PLXDC2: variants seen among roughly 807,000 people sequenced by gnomAD.
PLXDC2 encodes plexin domain containing 2, also known as plexin domain-containing protein 2.
PLXDC2 carries 40 observed loss-of-function variants against 68.9 expected under a neutral mutation model. The ratio of observed to expected loss-of-function variants is 0.58; its 90% confidence interval spans 0.45 to 0.76. PLXDC2 has a LOEUF of 0.76. PLXDC2 is among the 30% of genes least tolerant of loss of function. PLXDC2 has a pLI of 0.00. For synonymous variants in PLXDC2, 243 were observed against 234.2 expected (o/e 1.04, Z -0.34); for missense variants, 644 against 661.9 (o/e 0.97, Z 0.30).
chr10:19,891,876 G>T (rs1234196525), intron 1 of PLXDC2, among the ~76,000 whole-genome samples: 2 of 152,076 alleles, frequency 1.3e-5, no homozygotes, highest in African/African-American at 4.8e-5. Flanking sequence ...GAAAAAATTG[G>T]ATTTTTGTTT....
intron 1 of PLXDC2, among the ~76,000 whole-genome samples, chr10:19,860,458 C>T (rs1345385979): frequency 3.3e-5 from 5 of 152,132 alleles, no homozygotes; most frequent in Admixed American, 6.5e-5. Flanking sequence ...GAACACTGAA[C>T]TAGACATCAC....
Position 20,118,123 on chromosome 10 carries a change from CA to C in PLXDC2, c.542-25171del, listed in dbSNP as rs1176316126. Among the ~76,000 whole-genome samples, 22 of 151,938 alleles carry C rather than the reference CA, an allele frequency of 1.4e-4. No individual in the cohort carries two copies. In the South Asian group the frequency reaches 2.3e-3, roughly 16 times the overall value. On this transcript the variant is annotated intron_variant, in intron 4 of 13. Transcript: ENST00000377252. ...ATATGCCTACACACACACACACACA[CA>C]CACACACACACACAGACACACACAC...
chr10:19,900,734 G>T (rs1178015149), intron 1 of PLXDC2, among the ~76,000 whole-genome samples: 1 of 151,968 alleles, frequency 6.6e-6, no homozygotes, highest in Non-Finnish European at 1.5e-5. Context: ...TACCCAATGT[G>T]TAGGTTTTTA....
At chr10:20,026,265 T>A (rs1835401323) in intron 2 of PLXDC2, among the ~76,000 whole-genome samples, 1 of 152,138 alleles carries the variant, frequency 6.6e-6, no homozygotes, top group Non-Finnish European at 1.5e-5. Flanking sequence ...TTTCTTAAAA[T>A]GAAATTCTCC....
chr10:20,068,857 A>G (rs1445356765), intron 4 of PLXDC2, among the ~76,000 whole-genome samples: 1 of 152,120 alleles, frequency 6.6e-6, no homozygotes, highest in Non-Finnish European at 1.5e-5. Context: ...CTAGCAAAGT[A>G]ATTATCATTC....
chr10:20,238,696 C>CACATATATGTCTATATATAT (rs1554777593), intron 12 of PLXDC2, among the ~76,000 whole-genome samples: 1 of 113,260 alleles, frequency 8.8e-6, no homozygotes, highest in Non-Finnish European at 1.8e-5. Flanking sequence ...TATATATACA[C>CACATATATGTCTATATATAT]ACATATATAT....
At chr10:19,879,199 C>T (rs1274474280) in intron 1 of PLXDC2, among the ~76,000 whole-genome samples, 2 of 152,112 alleles carry the variant, frequency 1.3e-5, no homozygotes, top group African/African-American at 2.4e-5. Flanking sequence ...ACCCTGAAAA[C>T]GACAACTTCC....
intron 3 of PLXDC2, among the ~76,000 whole-genome samples, chr10:20,055,144 T>G (rs549358917): frequency 4.6e-4 from 70 of 152,256 alleles, no homozygotes; most frequent in Non-Finnish European, 9.3e-4. Flanking sequence ...TGATGAAACT[T>G]GTATGACTTT....
At chr10:19,905,573 T>C (rs1286634815) in intron 1 of PLXDC2, among the ~76,000 whole-genome samples, 1 of 152,002 alleles carries the variant, frequency 6.6e-6, no homozygotes, top group Non-Finnish European at 1.5e-5. Context: ...ACTGGTGATA[T>C]TTTGCAAACA....
At chr10:19,973,278 A>T (rs1303043772) in intron 1 of PLXDC2, among the ~76,000 whole-genome samples, 1 of 143,902 alleles carries the variant, frequency 6.9e-6, no homozygotes, top group East Asian at 2.0e-4. Context: ...AGATATATGT[A>T]TACACATACA....
At chr10:19,947,317 T>A (rs1833917987) in intron 1 of PLXDC2, among the ~76,000 whole-genome samples, 2 of 152,184 alleles carry the variant, frequency 1.3e-5, no homozygotes, top group African/African-American at 4.8e-5. Flanking sequence ...TAGTGGTAAC[T>A]TGTTATAGCA....
intron 1 of PLXDC2, among the ~76,000 whole-genome samples, chr10:19,877,022 A>T (rs1837644891): frequency 6.6e-6 from 1 of 152,230 alleles, no homozygotes; most frequent in Non-Finnish European, 1.5e-5. Context: ...TAAAATGAAA[A>T]TTCAATTAAA....
At chr10:19,968,288 C>T (rs895926078) in intron 1 of PLXDC2, among the ~76,000 whole-genome samples, 1 of 152,086 alleles carries the variant, frequency 6.6e-6, no homozygotes, top group African/African-American at 2.4e-5. Context: ...TGATTAAATA[C>T]GATGACCTCA....
intron 4 of PLXDC2, among the ~76,000 whole-genome samples, chr10:20,110,647 C>T (rs1184588880): frequency 6.6e-6 from 1 of 152,170 alleles, no homozygotes; most frequent in Non-Finnish European, 1.5e-5. Flanking sequence ...CGGTCACTGT[C>T]ACAGTCAGCC....
At chr10:20,044,217 CTTT>C (rs1835745048) in intron 2 of PLXDC2, among the ~76,000 whole-genome samples, 1 of 13,600 alleles carries the variant, frequency 7.4e-5, no homozygotes, top group Non-Finnish European at 1.3e-4. Context: ...CTCTGTCTTT[CTTT>C]CTTTCTTTCT....
intron 2 of PLXDC2, among the ~76,000 whole-genome samples, chr10:20,033,594 T>C (rs1447354962): frequency 6.6e-6 from 1 of 152,128 alleles, no homozygotes; most frequent in African/African-American, 2.4e-5. Flanking sequence ...CAAAGAGATA[T>C]CTTACATGGT....
At chr10:20,063,846 G>A (rs1462294071) in intron 3 of PLXDC2, among the ~76,000 whole-genome samples, 1 of 152,092 alleles carries the variant, frequency 6.6e-6, no homozygotes, top group African/African-American at 2.4e-5. Flanking sequence ...GACTCTGTAC[G>A]CTTTGACCAA....
At chr10:19,832,335 A>G (rs1235879460) in intron 1 of PLXDC2, among the ~76,000 whole-genome samples, 3 of 152,202 alleles carry the variant, frequency 2.0e-5, no homozygotes, top group Non-Finnish European at 4.4e-5. Flanking sequence ...CCATTCATTT[A>G]CTCAATAACT....
At chr10:20,190,599 AT>A (rs1343095594) in intron 9 of PLXDC2, among the ~76,000 whole-genome samples, 1 of 5,064 alleles carries the variant, frequency 2.0e-4, no homozygotes, top group Non-Finnish European at 3.8e-4. Context: ...AGTGTAATAA[AT>A]ATATATATAT....
Sources: allele counts gnomAD v4.1 joint callset (sites outside exome capture counted in the v4.1 genomes callset), GRCh38; gene constraint gnomAD v4.1.1; transcripts MANE v1.5; gene names NCBI Gene and HGNC (gene_info 2026-07-23, HGNC 2026-07-21).